The following HTR4 variants were observed in gnomAD, a reference collection of about 807,000 sequenced individuals.
The protein encoded by HTR4 is 5-hydroxytryptamine (serotonin) receptor 4, G protein-coupled.
A neutral mutation model predicts 36.8 loss-of-function variants in HTR4; 16 were observed. That is an observed-to-expected ratio of 0.43 (90% confidence interval 0.29 to 0.66). The LOEUF (loss-of-function observed/expected upper bound fraction) is 0.66. Among genes scored for constraint, HTR4 ranks in the 30% least tolerant of loss-of-function variants. The pLI is 0.13. For missense variants in HTR4, 438 were observed against 490.9 expected (o/e 0.89, Z 1.02); for synonymous variants, 189 against 185.1 (o/e 1.02, Z -0.17).
At chr5:148,575,734 A>T (rs1760870009) in intron 2 of HTR4, among the ~76,000 whole-genome samples, 1 of 152,110 alleles carries the variant, frequency 6.6e-6, no homozygotes, top group Non-Finnish European at 1.5e-5. Context: ...GGAGTAAAAA[A>T]GTTTAAATAA....
chr5:148,459,015 A>T (rs1162128751), intron 5 of HTR4, among the ~76,000 whole-genome samples: 2 of 152,130 alleles, frequency 1.3e-5, no homozygotes, highest in East Asian at 3.9e-4. Context: ...ATTATCTCGC[A>T]TTTCTGGAGC....
rs145022212 is a variant in HTR4, at chr5:148,588,341, T to C, written c.27-38079A>G. On this transcript the variant is annotated intron_variant, in intron 2 of 6. Transcript: ENST00000377888. ...AATGTTGAGCAAACAAACCGTACAA[T>C]CAGACCTGAGCAATGATTATGAGAA... is the stretch of plus-strand genomic sequence containing the variant. Among the ~76,000 whole-genome samples the C allele has an allele frequency of 1.6e-3, 242 of 152,210 alleles. 1 individual carries two copies. Among genetic ancestry groups the C allele is most frequent in the African/African-American group, 5.6e-3 (234 of 41,520 alleles).
At chr5:148,546,067 T>C (rs1017942003) in intron 4 of HTR4, among the ~76,000 whole-genome samples, 1 of 152,176 alleles carries the variant, frequency 6.6e-6, no homozygotes, top group African/African-American at 2.4e-5. Context: ...CTTGTCATTA[T>C]TTAAATGTAG....
At chr5:148,558,025 A>C (rs867372286) in intron 2 of HTR4, among the ~76,000 whole-genome samples, 1 of 152,066 alleles carries the variant, frequency 6.6e-6, no homozygotes, top group Non-Finnish European at 1.5e-5. Flanking sequence ...TGTACACAAG[A>C]AATATTCTTG....
intron 2 of HTR4, among the ~76,000 whole-genome samples, chr5:148,561,153 C>A (rs921148414): frequency 2.3e-4 from 35 of 152,178 alleles, no homozygotes; most frequent in African/African-American, 8.2e-4. Flanking sequence ...TGCAAACATG[C>A]AGAGTAAAAT....
chr5:148,535,900 T>A (rs1758796222), intron 4 of HTR4, among the ~76,000 whole-genome samples: 1 of 152,118 alleles, frequency 6.6e-6, no homozygotes, highest in Non-Finnish European at 1.5e-5. Context: ...TGCAAGATTC[T>A]ACACAAGAAG....
chr5:148,543,413 T>G (rs1190488443), intron 4 of HTR4, among the ~76,000 whole-genome samples: 1 of 152,210 alleles, frequency 6.6e-6, no homozygotes, highest in African/African-American at 2.4e-5. Context: ...TTTCAGTTAT[T>G]TGAACGATCA....
At chr5:148,513,817 T>G (rs1757607998) in intron 5 of HTR4, among the ~76,000 whole-genome samples, 1 of 152,182 alleles carries the variant, frequency 6.6e-6, no homozygotes, top group African/African-American at 2.4e-5. Context: ...ATAATTTTCT[T>G]TGTGTCTTGC....
intron 6 of HTR4, among the ~76,000 whole-genome samples, chr5:148,492,109 G>A (rs1408641450): frequency 6.6e-6 from 1 of 152,204 alleles, no homozygotes; most frequent in African/African-American, 2.4e-5. Flanking sequence ...GGCTTGCCCT[G>A]CAGGGTGGCA....
At chr5:148,457,804 A>G in intron 5 of HTR4, among the ~76,000 whole-genome samples, 1 of 119,654 alleles carries the variant, frequency 8.4e-6, no homozygotes, top group Middle Eastern at 6.0e-3. Flanking sequence ...TTAAAATATC[A>G]TATATTTTGA....
At chr5:148,571,010 G>A (rs1760654081) in intron 2 of HTR4, among the ~76,000 whole-genome samples, 1 of 151,968 alleles carries the variant, frequency 6.6e-6, no homozygotes, top group South Asian at 2.1e-4. Flanking sequence ...TATGATTGGG[G>A]AGCACAACAC....
chr5:148,465,798 G>T, intron 5 of HTR4: 2 of 1,577,924 alleles, frequency 1.3e-6, no homozygotes, highest in South Asian at 2.4e-5. Flanking sequence ...TTTGTATAAA[G>T]AAATAAATAG....
intron 5 of HTR4, among the ~76,000 whole-genome samples, chr5:148,465,309 G>A (rs1053787730): frequency 6.6e-6 from 1 of 152,164 alleles, no homozygotes; most frequent in Non-Finnish European, 1.5e-5. Context: ...TATTGACAAT[G>A]GGGGAGGCTG....
chr5:148,621,861 G>A (rs2127294011), intron 2 of HTR4, among the ~76,000 whole-genome samples: 1 of 152,130 alleles, frequency 6.6e-6, no homozygotes, highest in South Asian at 2.1e-4. Context: ...TGGTGATCTG[G>A]TCCATCCATA....
At chr5:148,506,167 A>T (rs1757196856) in intron 6 of HTR4, among the ~76,000 whole-genome samples, 1 of 152,222 alleles carries the variant, frequency 6.6e-6, no homozygotes. Flanking sequence ...TACTGGGACT[A>T]AAACAGAGAT....
intron 2 of HTR4, among the ~76,000 whole-genome samples, chr5:148,575,000 C>A (rs377367660): frequency 1.3e-5 from 2 of 152,054 alleles, no homozygotes; most frequent in African/African-American, 4.8e-5. Context: ...ACTAGAAAAT[C>A]AGCCAAACCA....
chr5:148,516,312 C>CTTTTTT (rs954784476), intron 5 of HTR4, among the ~76,000 whole-genome samples: 59 of 76,484 alleles, frequency 7.7e-4, no homozygotes, highest in Middle Eastern at 0.014. Flanking sequence ...ATTCCCCCCT[C>CTTTTTT]TTTTTTTTTT....
chr5:148,477,511 G>C (rs1042694520), downstream of HTR4, among the ~76,000 whole-genome samples: 1 of 152,148 alleles, frequency 6.6e-6, no homozygotes. Context: ...TAGATTTGGT[G>C]GAACCTGGGC....
At chr5:148,470,239 T>C (rs528399391) in intron 5 of HTR4, among the ~76,000 whole-genome samples, 1 of 152,312 alleles carries the variant, frequency 6.6e-6, no homozygotes, top group African/African-American at 2.4e-5. Context: ...ATATTTACTA[T>C]ATATAAGCCT....
Sources: gnomAD v4.1 joint callset for allele counts (sites outside exome capture counted in the v4.1 genomes callset) on GRCh38, gnomAD v4.1.1 for gene constraint, MANE v1.5 for transcripts, NCBI Gene and HGNC (gene_info 2026-07-23, HGNC 2026-07-21) for gene names.